CACHD1: variants seen among roughly 807,000 people sequenced by gnomAD.
The protein encoded by CACHD1 is VWFA and cache domain-containing protein 1.
Under a neutral mutation model 138.7 loss-of-function variants are expected in CACHD1, and 71 were observed. The observed-to-expected ratio is 0.51, with a 90% CI of 0.42 to 0.62. The LOEUF is 0.62. CACHD1 is among the 20% of genes least tolerant of loss of function. The pLI, the probability that CACHD1 is intolerant of heterozygous loss-of-function variation, is 0.00. For missense variants in CACHD1, 1,389 were observed against 1,625.3 expected, an observed-to-expected ratio of 0.85 and a Z score of 2.50; for synonymous variants, 578 against 591.5, an observed-to-expected ratio of 0.98 and a Z score of 0.33.
At chr1:64,559,083 T>C (rs1199204458) in intron 2 of CACHD1, among the ~76,000 whole-genome samples, 1 of 152,178 alleles carries the variant, frequency 6.6e-6, no homozygotes, top group Non-Finnish European at 1.5e-5. Context: ...TGGAAAGCAG[T>C]ATGGCGATTC....
At chr1:64,483,873 C>G (rs200962039) in intron 1 of CACHD1, among the ~76,000 whole-genome samples, 5 of 146,702 alleles carry the variant, frequency 3.4e-5, no homozygotes, top group East Asian at 2.1e-4. Flanking sequence ...TTCCCCCCCC[C>G]CCTTGCATAT....
chr1:64,682,212 A>G, intron 26 of CACHD1, 106 bp downstream of exon 26: 3 of 939,234 alleles, frequency 3.2e-6, no homozygotes, highest in Non-Finnish European at 5.1e-6. Context: ...GACACACCCC[A>G]GCATGCCACT....
intron 1 of CACHD1, among the ~76,000 whole-genome samples, chr1:64,471,346 A>G (rs1186435056): frequency 6.6e-6 from 1 of 152,188 alleles, no homozygotes; most frequent in Non-Finnish European, 1.5e-5. Context: ...CCCATCCCAG[A>G]GCAGCCAGCC....
chr1:64,490,443 A>G (rs941059542), intron 1 of CACHD1, among the ~76,000 whole-genome samples: 1 of 152,202 alleles, frequency 6.6e-6, no homozygotes, highest in African/African-American at 2.4e-5. Flanking sequence ...ATTTACATCA[A>G]ACACTCACTG....
At chr1:64,617,405 A>G (rs1647751395) in intron 4 of CACHD1, among the ~76,000 whole-genome samples, 1 of 151,962 alleles carries the variant, frequency 6.6e-6, no homozygotes, top group Admixed American at 6.6e-5. Context: ...AGTTTATCCC[A>G]GAAGTTTATT....
rs1162369554 is a variant in CACHD1 at position 64,681,955 on chromosome 1, A to G, written c.3485-50A>G. ...TCTCAGAGCAAATGTGTTTGAAACA[A>G]TGGAGATACTGGCATAAGAGTGACA... On this transcript the variant is annotated intron_variant, in intron 25 of 26. Coordinates refer to ENST00000651257, the MANE Select transcript of CACHD1 (RefSeq NM_020925.4). 4.0e-6 allele frequency: 6 copies of G among 1,493,380 alleles called. No individual in the cohort carries two copies. The South Asian group carries it at 5.6e-5, about 14-fold the overall frequency. The allele number at this position is 1,493,380 out of a possible 1,614,324, so 92.5% of individuals were successfully genotyped here. A position where few individuals can be genotyped will look rare whatever the true frequency, so the allele number is the denominator to read the frequency against.
chr1:64,628,660 G>A (rs1279525710), intron 4 of CACHD1, among the ~76,000 whole-genome samples: 2 of 152,142 alleles, frequency 1.3e-5, no homozygotes, highest in Non-Finnish European at 2.9e-5. Context: ...AGTCAGGGCA[G>A]CCAGGTTTGA....
intron 1 of CACHD1, among the ~76,000 whole-genome samples, chr1:64,534,132 C>T (rs944895104): frequency 3.2e-4 from 48 of 151,636 alleles, no homozygotes; most frequent in Non-Finnish European, 1.9e-4. Flanking sequence ...CAACCCCTGC[C>T]TCCTGGGTTG....
At chr1:64,680,391 G>A (rs867817805) in intron 24 of CACHD1, among the ~76,000 whole-genome samples, 10 of 152,020 alleles carry the variant, frequency 6.6e-5, no homozygotes, top group Admixed American at 2.0e-4. Context: ...GGGAGGCTGA[G>A]GCAGGAGAAT....
chr1:64,545,931 T>C (rs1204308095), intron 1 of CACHD1, among the ~76,000 whole-genome samples: 1 of 152,268 alleles, frequency 6.6e-6, no homozygotes, highest in Non-Finnish European at 1.5e-5. Context: ...TTCTGTGAAA[T>C]GTTTCTATTT....
intron 1 of CACHD1, among the ~76,000 whole-genome samples, chr1:64,532,879 G>A (rs553983933): frequency 1.2e-4 from 19 of 152,304 alleles, no homozygotes; most frequent in African/African-American, 4.6e-4. Context: ...GAGGAGTAAA[G>A]TAGTGGTACT....
chr1:64,631,595 G>A (rs1039392219), intron 5 of CACHD1, among the ~76,000 whole-genome samples: 3 of 152,114 alleles, frequency 2.0e-5, no homozygotes, highest in Non-Finnish European at 4.4e-5. Context: ...GTCAGTAAAG[G>A]AGAGAATTCT....
intron 2 of CACHD1, among the ~76,000 whole-genome samples, chr1:64,562,960 A>G (rs1467678376): frequency 1.3e-5 from 2 of 152,142 alleles, no homozygotes; most frequent in African/African-American, 2.4e-5. Flanking sequence ...GGTATTGTGG[A>G]AAAATCTGGA....
chr1:64,518,964 C>A (rs1034961444), intron 1 of CACHD1, among the ~76,000 whole-genome samples: 1 of 152,162 alleles, frequency 6.6e-6, no homozygotes. Flanking sequence ...TGCCTTCCAA[C>A]CTTAGTGGTT....
At chr1:64,679,561 T>C in intron 23 of CACHD1, 34 bp from the exon 24 acceptor site, 1 of 1,610,640 alleles carries the variant, frequency 6.2e-7, no homozygotes, top group Non-Finnish European at 8.5e-7. Flanking sequence ...TGGGAAATCT[T>C]AACAAGAAAC....
At chr1:64,654,025 T>A in intron 11 of CACHD1, 144 bp downstream of exon 11, 2 of 710,900 alleles carry the variant, frequency 2.8e-6, no homozygotes, top group Non-Finnish European at 4.2e-6. Context: ...AATGTTTCCG[T>A]AAGAATAGCA....
At chr1:64,599,071 T>G (rs913967133) in intron 3 of CACHD1, among the ~76,000 whole-genome samples, 1 of 151,854 alleles carries the variant, frequency 6.6e-6, no homozygotes, top group Admixed American at 6.6e-5. Flanking sequence ...GAGGTCACAG[T>G]GAAAAGGCCA....
At chr1:64,496,881 AAAG>A (rs1646309526) in intron 1 of CACHD1, among the ~76,000 whole-genome samples, 1 of 148,092 alleles carries the variant, frequency 6.8e-6, no homozygotes, top group African/African-American at 2.6e-5. Context: ...AAAAAAAAAG[AAAG>A]AAAAAGAAAA....
At chr1:64,677,123 A>G in intron 22 of CACHD1, 112 bp downstream of exon 22, 1 of 809,844 alleles carries the variant, frequency 1.2e-6, no homozygotes, top group Non-Finnish European at 2.0e-6. Flanking sequence ...GATTTCCATA[A>G]GCCTTTACCC....
Sources: allele counts gnomAD v4.1 joint callset (sites outside exome capture counted in the v4.1 genomes callset), GRCh38; gene constraint gnomAD v4.1.1; transcripts MANE v1.5; gene names NCBI Gene and HGNC (gene_info 2026-07-23, HGNC 2026-07-21).